GABRB2: variants seen among roughly 807,000 people sequenced by gnomAD.
GABRB2 encodes gamma-aminobutyric acid type A receptor subunit beta2.
Under a neutral mutation model 54.7 loss-of-function variants are expected in GABRB2, and 16 were observed. The observed-to-expected ratio is 0.29, with a 90% CI of 0.20 to 0.44. The LOEUF (loss-of-function observed/expected upper bound fraction) is 0.44, where lower values mean the gene tolerates loss of function less well. GABRB2 is among the 20% of genes least tolerant of loss of function. The probability of loss-of-function intolerance (pLI) is 1.00; values close to 1 mark genes in which losing one functional copy is unlikely to be tolerated. For missense variants in GABRB2, 355 were observed against 644.0 expected (o/e 0.55, Z 4.86); for synonymous variants, 244 against 233.8 (o/e 1.04, Z -0.40).
Position 161,290,145 on chromosome 5 carries a change from T to C in GABRB2, c.*3936A>G, listed in dbSNP as rs986127087. 5 of 152,632 alleles carry C rather than the reference T, an allele frequency of 3.3e-5. No homozygotes were observed. The highest frequency in any genetic ancestry group is 1.2e-4 in the African/African-American group (5 of 41,492). 9.5% of individuals were successfully genotyped at this position (152,632 alleles called of 1,614,324 possible). ...ATTTACACACGTTCAGTGAAAGTTA[T>C]GGTTGCTCACATTACATGTACTCTG... On this transcript the variant is annotated 3_prime_UTR_variant, in exon 10 of 10. Transcript: ENST00000393959.
chr5:161,386,866 A>T (rs1755655597), intron 5 of GABRB2, among the ~76,000 whole-genome samples: 7 of 151,844 alleles, frequency 4.6e-5, no homozygotes, highest in Admixed American at 3.9e-4. Flanking sequence ...GCAAAACATC[A>T]TAAGAGAAAC....
intron 5 of GABRB2, among the ~76,000 whole-genome samples, chr5:161,384,857 T>C (rs892296951): frequency 6.6e-6 from 1 of 152,098 alleles, no homozygotes; most frequent in Non-Finnish European, 1.5e-5. Context: ...ATTCTTAGAG[T>C]TGGGGGAAGA....
At chr5:161,389,468 C>G (rs1474092283) in intron 5 of GABRB2, among the ~76,000 whole-genome samples, 1 of 151,794 alleles carries the variant, frequency 6.6e-6, no homozygotes, top group Admixed American at 6.6e-5. Context: ...AAAGTATGAT[C>G]CTTAATATAT....
rs1418542514 is a variant in GABRB2, at chr5:161,430,339, T to C, written c.459-19282A>G. On this transcript the variant is annotated intron_variant, in intron 4 of 9. Transcript: ENST00000393959. ...GTACATTTCTTTGAATTTTAGATTA[T>C]TTTTTCATCACAGCCTTAAATAATG... Among the ~76,000 whole-genome samples, 7 of 152,338 alleles carry C rather than the reference T, an allele frequency of 4.6e-5. No individual in the cohort carries two copies. The East Asian group carries it at 1.3e-3, about 29-fold the overall frequency.
chr5:161,305,207 G>A (rs1177775252), intron 9 of GABRB2, among the ~76,000 whole-genome samples: 1 of 150,998 alleles, frequency 6.6e-6, no homozygotes, highest in East Asian at 1.9e-4. Flanking sequence ...TAGTAGAGAC[G>A]GGGTTTCACC....
At chr5:161,472,792 C>T (rs11135149) in intron 3 of GABRB2, among the ~76,000 whole-genome samples, 1,892 of 151,998 alleles carry the variant, frequency 0.012, 44 homozygotes, top group African/African-American at 0.043. Flanking sequence ...GTCCAACAAA[C>T]TAAAACATGC....
intron 9 of GABRB2, among the ~76,000 whole-genome samples, chr5:161,313,208 C>T (rs371078913): frequency 9.2e-5 from 14 of 152,142 alleles, no homozygotes; most frequent in African/African-American, 2.9e-4. Context: ...TGTTATATAA[C>T]TGCTCTGTGA....
intron 3 of GABRB2, among the ~76,000 whole-genome samples, chr5:161,495,092 C>T (rs1759193320): frequency 6.6e-6 from 1 of 151,918 alleles, no homozygotes; most frequent in Admixed American, 6.6e-5. Flanking sequence ...TGCTTAGTCA[C>T]AAATTAACAT....
At chr5:161,437,446 T>G (rs920404267) in intron 4 of GABRB2, among the ~76,000 whole-genome samples, 1 of 152,000 alleles carries the variant, frequency 6.6e-6, no homozygotes, top group African/African-American at 2.4e-5. Flanking sequence ...CTGGCAGCAT[T>G]CATCACTTGC....
intron 3 of GABRB2, among the ~76,000 whole-genome samples, chr5:161,532,229 G>T (rs561079283): frequency 8.6e-5 from 13 of 151,932 alleles, no homozygotes; most frequent in Non-Finnish European, 1.8e-4. Flanking sequence ...GTATATATGT[G>T]TATATCTATG....
chr5:161,423,006 C>T (rs1756894837), intron 4 of GABRB2, among the ~76,000 whole-genome samples: 2 of 152,214 alleles, frequency 1.3e-5, no homozygotes, highest in South Asian at 4.1e-4. Flanking sequence ...TGCTTTGGAA[C>T]TCATTCTCTC....
At position 161,290,443 on chromosome 5, in the gene GABRB2, T is replaced by A. The variant is rs950234919; in HGVS notation, c.*3638A>T. On this transcript the variant is annotated 3_prime_UTR_variant, in exon 10 of 10. Transcript: ENST00000393959. ...ATTGTCGAGTTGAACTGTGCAATGG[T>A]TCATAAAAACTGTAGGCATTGATTT... 5.9e-5 allele frequency: 9 copies of A among 152,584 alleles called. No individual in the cohort carries two copies. The highest frequency in any genetic ancestry group is 2.2e-4 in the African/African-American group (9 of 41,442). 9.5% of individuals were successfully genotyped at this position (152,584 alleles called of 1,614,324 possible).
intron 5 of GABRB2, among the ~76,000 whole-genome samples, chr5:161,364,679 C>T (rs968746004): frequency 6.6e-6 from 1 of 152,136 alleles, no homozygotes; most frequent in South Asian, 2.1e-4. Flanking sequence ...TTTGATACTT[C>T]TTTCCCTCAA....
chr5:161,397,594 T>A (rs560255283), intron 5 of GABRB2, among the ~76,000 whole-genome samples: 1 of 152,116 alleles, frequency 6.6e-6, no homozygotes, highest in Non-Finnish European at 1.5e-5. Flanking sequence ...AGAAACAAAG[T>A]GAGGAGCAGT....
chr5:161,450,847 G>A (rs1009816090), intron 4 of GABRB2, among the ~76,000 whole-genome samples: 1 of 152,070 alleles, frequency 6.6e-6, no homozygotes, highest in African/African-American at 2.4e-5. Flanking sequence ...TTCTATAACA[G>A]CCTATCGTAT....
At chr5:161,373,888 G>A (rs1369579755) in intron 5 of GABRB2, among the ~76,000 whole-genome samples, 1 of 138,004 alleles carries the variant, frequency 7.2e-6, no homozygotes, top group Non-Finnish European at 1.7e-5. Context: ...TCTCCTTCAC[G>A]TTGTTGTCTC....
At chr5:161,502,934 A>G (rs186155785) in intron 3 of GABRB2, among the ~76,000 whole-genome samples, 1 of 152,330 alleles carries the variant, frequency 6.6e-6, no homozygotes, top group Admixed American at 6.5e-5. Flanking sequence ...GGCCTTGTAG[A>G]AAACAATTTC....
rs947882993 is a variant in GABRB2 at position 161,290,916 on chromosome 5, T to C, written c.*3165A>G. 1 of 152,566 alleles carries C rather than the reference T, an allele frequency of 6.6e-6. No homozygotes were observed. Among genetic ancestry groups the C allele is most frequent in the Admixed American group, 6.6e-5 (1 of 15,262 alleles). 9.5% of individuals were successfully genotyped at this position (152,566 alleles called of 1,614,324 possible). ...GTGTTCCTAATGCTAGAATGTAAAG[T>C]CTTTTGGTTCATAAACCATTTTTAT... On this transcript the variant is annotated 3_prime_UTR_variant, in exon 10 of 10. Transcript: ENST00000393959.
chr5:161,503,709 CAAA>C (rs33992062), intron 3 of GABRB2, among the ~76,000 whole-genome samples: 1 of 91,686 alleles, frequency 1.1e-5, no homozygotes, highest in Admixed American at 1.1e-4. Context: ...AATTCCTTCT[CAAA>C]AAAAAAAAAA....
Sources: gnomAD v4.1 joint callset for allele counts (sites outside exome capture counted in the v4.1 genomes callset) on GRCh38, gnomAD v4.1.1 for gene constraint, MANE v1.5 for transcripts, NCBI Gene and HGNC (gene_info 2026-07-23, HGNC 2026-07-21) for gene names.